USP43: variants seen among roughly 807,000 people sequenced by gnomAD.
The protein encoded by USP43 is ubiquitin carboxyl-terminal hydrolase 43.
USP43 carries 33 observed loss-of-function variants against 90.7 expected under a neutral mutation model. The ratio of observed to expected loss-of-function variants is 0.36; its 90% CI spans 0.28 to 0.49. The LOEUF (loss-of-function observed/expected upper bound fraction) is 0.49. USP43 is among the 20% of genes least tolerant of loss of function. USP43 has a pLI of 0.98. For synonymous variants in USP43, 598 were observed against 615.8 expected, an observed-to-expected ratio of 0.97 and a Z score of 0.43; for missense variants, 1,274 against 1,476.4, an observed-to-expected ratio of 0.86 and a Z score of 2.25.
chr17:9,711,492 G>A (rs191691494), intron 13 of USP43, among the ~76,000 whole-genome samples: 77 of 152,208 alleles, frequency 5.1e-4, no homozygotes, highest in African/African-American at 1.8e-3. Flanking sequence ...ACAGTAGCGC[G>A]ATTTCGGCTC....
At chr17:9,715,008 G>A (rs189322602) in intron 14 of USP43, among the ~76,000 whole-genome samples, 2 of 152,306 alleles carry the variant, frequency 1.3e-5, no homozygotes, top group African/African-American at 4.8e-5. Flanking sequence ...AGAGGCTGGG[G>A]TGGAGGAAGT....
Position 9,645,662 on chromosome 17 carries a change from A to C in USP43, c.30A>C (p.Gly10=), listed in dbSNP as rs1911323657. The C allele has an allele frequency of 7.9e-7, 1 of 1,268,016 alleles. No individual in the cohort carries two copies. The highest frequency in any genetic ancestry group is 9.9e-7 in the Non-Finnish European group (1 of 1,012,984). The allele number at this position is 1,268,016 out of a possible 1,614,324, so 78.5% of individuals were successfully genotyped here. A position where few individuals can be genotyped will look rare whatever the true frequency, so the allele number is the denominator to read the frequency against. Residue 10 remains glycine, a synonymous_variant, in exon 1 of 15, where the codon GGA becomes GGC. Coordinates refer to ENST00000285199, the MANE Select transcript of USP43 (RefSeq NM_153210.5). The surrounding 1 kb of genome is among the most constrained non-coding windows in gnomAD (Gnocchi z 6.8). MDLGPGDAA[G]GGPLAPRPRR... ...ACCTGGGCCCCGGGGACGCGGCAGG[A>C]GGGGGACCGCTCGCGCCCCGGCCCC...
intron 1 of USP43, among the ~76,000 whole-genome samples, chr17:9,649,491 G>A (rs1218840833): frequency 6.6e-6 from 1 of 151,830 alleles, no homozygotes; most frequent in Non-Finnish European, 1.5e-5. Context: ...AGTGAACATA[G>A]TGCTCAACAG....
chr17:9,717,804 T>C (rs1916679111), intron 14 of USP43, among the ~76,000 whole-genome samples: 1 of 151,698 alleles, frequency 6.6e-6, no homozygotes, highest in African/African-American at 2.4e-5. Flanking sequence ...AGCTCACATT[T>C]TTTTTTTTTT....
At position 9,701,097 on chromosome 17, in the gene USP43, C is replaced by T. The variant is rs1216085990; in HGVS notation, c.1536-22C>T. 6.9e-6 allele frequency: 10 copies of T among 1,449,784 alleles called. No homozygotes were observed. The highest frequency in any genetic ancestry group is 3.7e-4 in the Middle Eastern group (2 of 5,414). 89.8% of individuals were successfully genotyped at this position (1,449,784 alleles called of 1,614,324 possible). On this transcript the variant is annotated intron_variant, in intron 10 of 14. Transcript: ENST00000285199. The surrounding 1 kb of genome is among the most constrained non-coding windows in gnomAD (Gnocchi z 7.2). ...CTGGGAGCAGGAAAGTCCTGAACGC[C>T]GTGGGTGTCCTCTCCGTGCAGCCTG...
rs1023526716 is a variant in USP43, at chr17:9,724,551, A to G, written c.2336-3403A>G. On this transcript the variant is annotated intron_variant, in intron 14 of 14. Coordinates refer to ENST00000285199, the MANE Select transcript of USP43 (RefSeq NM_153210.5). The stretch of plus-strand genomic sequence containing the variant: ...AAAAATTAGCCGGGCGTGGTGGTGG[A>G]CGCCTGTAATCCCAGCTACTGGGGA... Among the ~76,000 whole-genome samples the G allele has an allele frequency of 4.6e-5, 7 of 152,226 alleles. No individual in the cohort carries two copies. The East Asian group carries it at 1.2e-3, about 25-fold the overall frequency.
At chr17:9,708,481 A>G (rs182791373) in intron 12 of USP43, among the ~76,000 whole-genome samples, 12 of 152,282 alleles carry the variant, frequency 7.9e-5, no homozygotes, top group African/African-American at 2.9e-4. Context: ...TTGGAAGTAG[A>G]ATCAGTAGGT....
At chr17:9,702,440 T>G (rs1180059631) in intron 12 of USP43, among the ~76,000 whole-genome samples, 1 of 152,072 alleles carries the variant, frequency 6.6e-6, no homozygotes, top group Non-Finnish European at 1.5e-5. Flanking sequence ...ACCAAGAGAG[T>G]GACATTCATT....
intron 1 of USP43, among the ~76,000 whole-genome samples, chr17:9,652,102 G>C (rs548334430): frequency 3.3e-5 from 5 of 151,684 alleles, no homozygotes; most frequent in Admixed American, 2.6e-4. Flanking sequence ...ACCAAATCTA[G>C]GGCTGAGCAC....
At chr17:9,695,593 A>ACCTG (rs1915211510) in intron 9 of USP43, among the ~76,000 whole-genome samples, 1 of 152,142 alleles carries the variant, frequency 6.6e-6, no homozygotes. Context: ...TCAGCCTCCC[A>ACCTG]AAGTGCTGGG....
intron 12 of USP43, among the ~76,000 whole-genome samples, chr17:9,708,088 G>A (rs1915987911): frequency 6.6e-6 from 1 of 152,198 alleles, no homozygotes; most frequent in Non-Finnish European, 1.5e-5. Flanking sequence ...TGCATTATGA[G>A]CAGAGCTCGT....
chr17:9,728,617 G>T lies in USP43; in HGVS notation c.2999G>T (p.Arg1000Met), dbSNP rs1247630205. Residue 1000 changes from arginine (R) to methionine (M), a missense_variant, in exon 15 of 15, where the codon AGG (arginine) becomes ATG (methionine). Arg to Met is a moderately conservative substitution (Grantham distance 91, BLOSUM62 -1). Around this residue, in one of 6 missense-constraint regions of USP43, gnomAD observed 353 missense variants for 329.7 expected, o/e 1.07. Transcript: ENST00000285199. This position sits in a 1 kb window ranked among gnomAD's most constrained non-coding sequence, Gnocchi z 6.2. ...RPLQGTLTLL[R>M]SVFRKKENRR... is the part of the protein sequence containing the mutation. ...CTGCAGGGGACACTCACCCTTCTGA[G>T]GTCCGTGTTTCGGAAGAAGGAGAAC... The T allele has an allele frequency of 1.2e-6, 2 of 1,613,840 alleles. No individual in the cohort carries two copies. The highest frequency in any genetic ancestry group is 1.6e-4 in the Middle Eastern group (1 of 6,062).
intron 9 of USP43, among the ~76,000 whole-genome samples, chr17:9,693,936 C>T (rs1452105890): frequency 6.6e-6 from 1 of 152,216 alleles, no homozygotes; most frequent in African/African-American, 2.4e-5. Flanking sequence ...TGTGAAGATT[C>T]TACAGCTGAT....
intron 1 of USP43, among the ~76,000 whole-genome samples, chr17:9,653,118 TG>T (rs1291387595): frequency 6.6e-6 from 1 of 152,230 alleles, no homozygotes; most frequent in East Asian, 1.9e-4. Context: ...GTGGAATTGC[TG>T]TTTATGGAGA....
intron 1 of USP43, among the ~76,000 whole-genome samples, chr17:9,651,188 T>C (rs1333930736): frequency 6.6e-6 from 1 of 151,230 alleles, no homozygotes; most frequent in Non-Finnish European, 1.5e-5. Flanking sequence ...TTTTTGTTTG[T>C]TTTTTTTGTT....
chr17:9,701,981 G>C lies in USP43; in HGVS notation c.2011+281G>C, dbSNP rs974979393. Among the ~76,000 whole-genome samples the C allele has an allele frequency of 6.6e-6, 1 of 152,228 alleles. No homozygotes were observed. The highest frequency in any genetic ancestry group is 2.4e-5 in the African/African-American group (1 of 41,462). ...AGGAACCCATAGGCAGGGCACGGTA[G>C]TGTGGCTGTCTCGCACCATGTGCGA... On this transcript the variant is annotated intron_variant, in intron 12 of 14. Transcript: ENST00000285199. This position sits in a 1 kb window ranked among gnomAD's most constrained non-coding sequence, Gnocchi z 7.2.
chr17:9,656,555 C>T (rs1344720246), intron 2 of USP43, 21 bp downstream of exon 2: 2 of 1,602,348 alleles, frequency 1.2e-6, no homozygotes, highest in Non-Finnish European at 1.7e-6. Context: ...CTCAAAACAA[C>T]ACAATGTACT....
chr17:9,680,102 A>T, intron 5 of USP43, 129 bp from the exon 6 acceptor site: 1 of 907,514 alleles, frequency 1.1e-6, no homozygotes, highest in Non-Finnish European at 1.7e-6. Context: ...CTGCCTTATT[A>T]CTAAAAATAA....
At chr17:9,704,253 C>G (rs1417125125) in intron 12 of USP43, among the ~76,000 whole-genome samples, 1 of 142,744 alleles carries the variant, frequency 7.0e-6, no homozygotes, top group Non-Finnish European at 1.5e-5. Context: ...ATTTAGGGGA[C>G]CTGTGTGTCT....
Sources: gnomAD v4.1 joint callset for allele counts (sites outside exome capture counted in the v4.1 genomes callset) on GRCh38, gnomAD v4.1.1 for gene constraint, gnomAD v4.1.1 regional missense constraint, Gnocchi (gnomAD v3.1) non-coding constraint, MANE v1.5 for transcripts, NCBI Gene and HGNC (gene_info 2026-07-23, HGNC 2026-07-21) for gene names.